Variants in TFRC observed in about 807,000 individuals in gnomAD.
TFRC encodes transferrin receptor protein 1.
A neutral mutation model predicts 85.8 loss-of-function variants in TFRC; 35 were observed. That is an observed-to-expected ratio of 0.41 (90% CI 0.31 to 0.54). The LOEUF is 0.54. TFRC is among the 20% of genes least tolerant of loss of function. The pLI is 0.31. For synonymous variants in TFRC, 362 were observed against 328.6 expected (o/e 1.10, Z -1.10); for missense variants, 828 against 921.5 (o/e 0.90, Z 1.31).
intron 1 of TFRC, among the ~76,000 whole-genome samples, chr3:196,079,188 C>T (rs888821556): frequency 2.0e-5 from 3 of 152,170 alleles, no homozygotes; most frequent in African/African-American, 7.2e-5. Flanking sequence ...TCATTAGAGC[C>T]AGAACTGGAA....
At chr3:196,057,441 T>A (rs1477110647) in intron 16 of TFRC, among the ~76,000 whole-genome samples, 1 of 152,128 alleles carries the variant, frequency 6.6e-6, no homozygotes, top group African/African-American at 2.4e-5. Context: ...GAGCTCAGTT[T>A]TTGGAGACGT....
Position 196,075,339 on chromosome 3 carries a change from A to G in TFRC, c.58T>C (p.Tyr20His), listed in dbSNP as rs863225436. The change falls in exon 3 of 19, where the codon TAT (tyrosine) becomes CAT (histidine). Residue 20 changes from tyrosine (Y) to histidine (H), a missense_variant. By Grantham distance (83) the Tyr-to-His change is moderately conservative. Coordinates refer to ENST00000360110, the MANE Select transcript of TFRC (RefSeq NM_001128148.3). ...SNLFGGEPLS[Y>H]TRFSLARQVD... Reference sequence around the variant, plus strand: ...TGCCGAGCCAGGCTGAACCGGGTATATGACAATGGTTCTCCACCAAACTGT... The same window carrying G: ...TGCCGAGCCAGGCTGAACCGGGTATGTGACAATGGTTCTCCACCAAACTGT... 1 of 1,614,150 alleles carries G rather than the reference A, an allele frequency of 6.2e-7. No individual in the cohort carries two copies. The highest frequency in any genetic ancestry group is 8.5e-7 in the Non-Finnish European group (1 of 1,180,016).
chr3:196,081,141 C>T (rs1577262713), intron 1 of TFRC, among the ~76,000 whole-genome samples: 1 of 152,210 alleles, frequency 6.6e-6, no homozygotes, highest in Non-Finnish European at 1.5e-5. Context: ...TCGGCCTCTC[C>T]GGCGCCCATC....
chr3:196,080,458 C>T (rs1017540684), intron 1 of TFRC, among the ~76,000 whole-genome samples: 1 of 152,204 alleles, frequency 6.6e-6, no homozygotes, highest in African/African-American at 2.4e-5. Context: ...AGACTGGACT[C>T]GAACTCCTGA....
rs419059 is a variant in TFRC at position 196,055,313 on chromosome 3, C to T, written c.1678-12G>A. 509,325 of 1,608,168 alleles carry T rather than the reference C, an allele frequency of 0.32. 81,927 individuals are homozygous for T. Among genetic ancestry groups the T allele is most frequent in the South Asian group, 0.36 (32,940 of 90,950 alleles). On this transcript the variant is annotated splice_polypyrimidine_tract_variant and intron_variant, in intron 16 of 18. Transcript: ENST00000360110. ...GGATAATCTGTGTCCTGCAAGACAA[C>T]GCGAGGCTATGGTACTCACGTGAGT...
At chr3:196,072,895 A>G (rs1245748863) in intron 4 of TFRC, 1 of 151,938 alleles carries the variant, frequency 6.6e-6, no homozygotes, top group Non-Finnish European at 1.5e-5. Context: ...AATAAAATAA[A>G]TAAATAAATA....
intron 2 of TFRC, 72 bp from the exon 3 acceptor site, chr3:196,075,432 C>T: frequency 1.4e-6 from 2 of 1,437,748 alleles, no homozygotes; most frequent in Non-Finnish European, 9.8e-7. Flanking sequence ...TAGGTATATG[C>T]TTGTTATTGG....
chr3:196,053,139 G>A (rs1716481938), intron 18 of TFRC, among the ~76,000 whole-genome samples: 1 of 151,790 alleles, frequency 6.6e-6, no homozygotes, highest in African/African-American at 2.4e-5. Flanking sequence ...TTTTTTTAAA[G>A]GAAACTGATT....
At chr3:196,061,864 G>GT (rs1717311933) in intron 13 of TFRC, among the ~76,000 whole-genome samples, 1 of 152,152 alleles carries the variant, frequency 6.6e-6, no homozygotes, top group Admixed American at 6.5e-5. Flanking sequence ...GTTTGCATTC[G>GT]TAACAGTTCC....
intron 1 of TFRC, among the ~76,000 whole-genome samples, chr3:196,081,644 C>G (rs1019889612): frequency 6.6e-6 from 1 of 152,352 alleles, no homozygotes; most frequent in Non-Finnish European, 1.5e-5. Context: ...CTAGGGCCTG[C>G]GGCCTTCAAG....
In TFRC at chr3:196,067,527, T is replaced by C. The variant is rs1444672441; in HGVS notation, c.1031A>G (p.Lys344Arg). ...TCAAATAAAAACTTACCCAAACAGCTTTTCTGCAGCAGCTCTGGAGATTGT... is the reference window on the plus strand; with the variant it reads ...TCAAATAAAAACTTACCCAAACAGCCTTTCTGCAGCAGCTCTGGAGATTGT... ...VQTISRAAAE[K>R]LFGNMEGDCP... Residue 344 changes from lysine to arginine, a missense_variant, in exon 9 of 19, where the codon AAG becomes AGG. Lys to Arg is a conservative substitution (Grantham distance 26). Transcript: ENST00000360110. 2 of 1,613,052 alleles carry C rather than the reference T, an allele frequency of 1.2e-6. No individual in the cohort carries two copies. Among genetic ancestry groups the C allele is most frequent in the South Asian group, 2.2e-5 (2 of 90,872 alleles).
intron 6 of TFRC, 53 bp downstream of exon 6, chr3:196,071,343 G>T: frequency 6.8e-7 from 1 of 1,478,968 alleles, no homozygotes; most frequent in Non-Finnish European, 9.4e-7. Flanking sequence ...GAAAAGATGA[G>T]TTTTGAATGA....
intron 11 of TFRC, 38 bp from the exon 12 acceptor site, chr3:196,062,977 T>C: frequency 6.4e-7 from 1 of 1,553,114 alleles, no homozygotes; most frequent in Non-Finnish European, 8.9e-7. Flanking sequence ...TGAGGAAAGG[T>C]TATACACAGA....
chr3:196,067,490 G>A (rs1717827708), intron 9 of TFRC, 28 bp downstream of exon 9: 1 of 1,609,258 alleles, frequency 6.2e-7, no homozygotes, highest in Non-Finnish European at 8.5e-7. Context: ...ACCTCACTAT[G>A]CAAGACCGCT....
intron 3 of TFRC, 99 bp downstream of exon 3, chr3:196,075,060 A>AT (rs200774597): frequency 1.7e-5 from 12 of 708,180 alleles, no homozygotes; most frequent in South Asian, 1.3e-4. Context: ...AAAAAAAAAA[A>AT]AAAAAATAAG....
At chr3:196,076,735 A>G (rs906147660) in intron 2 of TFRC, among the ~76,000 whole-genome samples, 1 of 152,084 alleles carries the variant, frequency 6.6e-6, no homozygotes, top group Non-Finnish European at 1.5e-5. Context: ...CTGGGATTAC[A>G]GGCGTGAGCC....
At chr3:196,063,720 T>G (rs1371527045) in intron 11 of TFRC, among the ~76,000 whole-genome samples, 1 of 152,012 alleles carries the variant, frequency 6.6e-6, no homozygotes, top group Non-Finnish European at 1.5e-5. Flanking sequence ...GTCAGGAGAC[T>G]AGCCTGGCCA....
chr3:196,069,634 G>A, intron 6 of TFRC, 66 bp from the exon 7 acceptor site: 1 of 1,049,420 alleles, frequency 9.5e-7, no homozygotes, highest in Non-Finnish European at 1.4e-6. Flanking sequence ...TCTTGAGACA[G>A]AAGAGTGTTA....
At position 196,067,616 on chromosome 3, in the gene TFRC, A is replaced by C. The variant is rs149491043; in HGVS notation, c.942T>G (p.Pro314=). The C allele has an allele frequency of 6.2e-7, 1 of 1,614,026 alleles. No individual in the cohort carries two copies. The highest frequency in any genetic ancestry group is 8.5e-7 in the Non-Finnish European group (1 of 1,180,028). Reference sequence around the variant, plus strand: ...GTGGAAACTGAGTGTGATTGAAGGAAGGGAATCCAGGTGTGTAAGGGTCAC... The same window carrying C: ...GTGGAAACTGAGTGTGATTGAAGGACGGGAATCCAGGTGTGTAAGGGTCAC... ...GTGDPYTPGF[P]SFNHTQFPPS... Residue 314 remains proline (P), a synonymous_variant, in exon 9 of 19, where the codon CCT becomes CCG. Transcript: ENST00000360110.
Sources: allele counts gnomAD v4.1 joint callset (sites outside exome capture counted in the v4.1 genomes callset), GRCh38; gene constraint gnomAD v4.1.1; transcripts MANE v1.5; gene names NCBI Gene and HGNC (gene_info 2026-07-23, HGNC 2026-07-21).